Variants in SIPA1 observed in about 807,000 individuals in gnomAD.
The protein encoded by SIPA1 is signal-induced proliferation-associated protein 1.
A neutral mutation model predicts 88.1 loss-of-function variants in SIPA1; 51 were observed. The observed-to-expected ratio is 0.58, with a 90% CI of 0.46 to 0.73. SIPA1 has a LOEUF of 0.73. SIPA1 is among the 30% of genes least tolerant of loss of function. SIPA1 has a pLI of 0.00. For missense variants in SIPA1, 1,348 were observed against 1,467.6 expected, an observed-to-expected ratio of 0.92 and a Z score of 1.33; for synonymous variants, 681 against 664.8, an observed-to-expected ratio of 1.02 and a Z score of -0.37.
In SIPA1 at chr11:65,645,883, A is replaced by G; in HGVS notation, c.1189A>G (p.Thr397Ala). Residue 397 changes from threonine (T) to alanine (A), a missense_variant, in exon 6 of 16, where the codon ACC (threonine) becomes GCC (alanine). Transcript: ENST00000534313. Reference protein sequence around the residue: ...TDSTGTHSLYTTYQDHEIMFH... With the variant: ...TDSTGTHSLYATYQDHEIMFH... Reference sequence around the variant, plus strand: ...TTCCACAGGCACGCACTCCCTCTACACCACATACCAGGACCACGAGATCAT... The same window carrying G: ...TTCCACAGGCACGCACTCCCTCTACGCCACATACCAGGACCACGAGATCAT... 1 of 1,613,418 alleles carries G rather than the reference A, an allele frequency of 6.2e-7. No individual in the cohort carries two copies. The highest frequency in any genetic ancestry group is 8.5e-7 in the Non-Finnish European group (1 of 1,179,600).
rs1856113441 is a variant in SIPA1, at chr11:65,646,341, C to T, written c.1384C>T (p.Arg462Trp). The T allele has an allele frequency of 6.2e-7, 1 of 1,613,302 alleles. No homozygotes were observed. Among genetic ancestry groups the T allele is most frequent in the Admixed American group, 1.7e-5 (1 of 60,006 alleles). The change falls in exon 7 of 16, where the codon CGG becomes TGG. Residue 462 changes from arginine (R) to tryptophan (W), a missense_variant. By Grantham distance (101) the Arg-to-Trp change is moderately radical. Coordinates refer to ENST00000534313, the MANE Select transcript of SIPA1 (RefSeq NM_006747.4). The surrounding 1 kb of genome is among the most constrained non-coding windows in gnomAD (Gnocchi z 7.5). ...SHFQHVFLVV[R>W]AHTPCTPHTT... ...CTTCCAGCACGTGTTCCTAGTGGTG[C>T]GGGCACACACACCCTGCACGCCACA...
At chr11:65,644,657 A>G (rs1856072282) in intron 4 of SIPA1, among the ~76,000 whole-genome samples, 1 of 151,782 alleles carries the variant, frequency 6.6e-6, no homozygotes, top group Non-Finnish European at 1.5e-5. Flanking sequence ...AGGGGTGCAG[A>G]GGACAGTCCA....
At chr11:65,648,429 A>C (rs1856181548) in intron 9 of SIPA1, among the ~76,000 whole-genome samples, 1 of 152,242 alleles carries the variant, frequency 6.6e-6, no homozygotes, top group Non-Finnish European at 1.5e-5. Flanking sequence ...TAGGTAAATG[A>C]ATAAATAAAT....
At chr11:65,644,469 G>A (rs1856068628) in intron 4 of SIPA1, among the ~76,000 whole-genome samples, 1 of 151,968 alleles carries the variant, frequency 6.6e-6, no homozygotes, top group Non-Finnish European at 1.5e-5. Context: ...GTAGAAAAGG[G>A]AGGTGACCGC....
chr11:65,639,120 G>A (rs1432784464), intron 1 of SIPA1: 1 of 152,170 alleles, frequency 6.6e-6, no homozygotes, highest in Non-Finnish European at 1.5e-5. Flanking sequence ...TTTTTTCTTT[G>A]TTTTTTTGGA....
Position 65,650,655 on chromosome 11 carries a change from A to G in SIPA1, c.3069A>G (p.Ala1023=). 6.4e-7 allele frequency: 1 copy of G among 1,574,668 alleles called. No homozygotes were observed. The highest frequency in any genetic ancestry group is 8.6e-7 in the Non-Finnish European group (1 of 1,160,078). Residue 1023 remains alanine (A), a synonymous_variant, in exon 16 of 16, where the codon GCA becomes GCG. Transcript: ENST00000534313. The stretch of plus-strand genomic sequence containing the variant: ...GGCTGCAGGCGGAGTCTGAGAGTGC[A>G]GCCACACGCCTCCTCCTGGCCTCCA... ...NRRLQAESES[A]ATRLLLASKQ... is the part of the protein sequence containing the mutation.
rs1856256986 is a variant in SIPA1 at position 65,650,813 on chromosome 11, C to T, written c.*98C>T. Reference sequence around the variant, plus strand: ...CAGAGGCGTGTCTTAGCACTGCCCCCCTCCCTAGCCCCTTATTTGGTGGCG... The same window carrying T: ...CAGAGGCGTGTCTTAGCACTGCCCCTCTCCCTAGCCCCTTATTTGGTGGCG... On this transcript the variant is annotated 3_prime_UTR_variant, in exon 16 of 16. Coordinates refer to ENST00000534313, the MANE Select transcript of SIPA1 (RefSeq NM_006747.4). 4 of 1,276,610 alleles carry T rather than the reference C, an allele frequency of 3.1e-6. No individual in the cohort carries two copies. The highest frequency in any genetic ancestry group is 3.2e-5 in the South Asian group (2 of 63,018). 79.1% of individuals were successfully genotyped at this position (1,276,610 alleles called of 1,614,324 possible).
At position 65,645,077 on chromosome 11, in the gene SIPA1, T is replaced by C. The variant is rs755069895; in HGVS notation, c.1107T>C (p.Asp369=). The change falls in exon 5 of 16, where the codon GAT becomes GAC. Residue 369 remains aspartate (D), a synonymous_variant. Transcript: ENST00000534313. ...TGCAGTTTCTCACCTTGCTGGGCGA[T>C]GTGGTGCGGCTCAAAGGCTTTGAGA... is the stretch of plus-strand genomic sequence containing the variant. ...AFMQFLTLLG[D]VVRLKGFESY... is the part of the protein sequence containing the mutation. 2 of 1,613,980 alleles carry C rather than the reference T, an allele frequency of 1.2e-6. No homozygotes were observed. The highest frequency in any genetic ancestry group is 1.7e-5 in the Admixed American group (1 of 60,004).
chr11:65,641,407 A>G lies in SIPA1; in HGVS notation c.486A>G (p.Ala162=), dbSNP rs747845495. The G allele has an allele frequency of 3.5e-5, 57 of 1,613,092 alleles. No homozygotes were observed. The highest frequency in any genetic ancestry group is 4.6e-5 in the Non-Finnish European group (54 of 1,180,008). The stretch of plus-strand genomic sequence containing the variant: ...CCAGCTCGGACCTGCTGCATGGGGC[A>G]CCTGGCTTTGTGTGTGAGCTCGGGG... ...QAASSDLLHG[A]PGFVCELGGE... The change falls in exon 2 of 16, where the codon GCA becomes GCG. Residue 162 remains alanine, a synonymous_variant. Coordinates refer to ENST00000534313, the MANE Select transcript of SIPA1 (RefSeq NM_006747.4).
In SIPA1 at chr11:65,642,287, C is replaced by G; in HGVS notation, c.717C>G (p.Gly239=). ...TCTTCGGGATGGACGAGTCGCTGGG[C>G]CCGGTGGCAGTGAGCCTGCGGCGGG... ...QNFFGMDESL[G]PVAVSLRREE... Residue 239 remains glycine, a synonymous_variant, in exon 3 of 16, where the codon GGC becomes GGG. Transcript: ENST00000534313. The surrounding 1 kb of genome is among the most constrained non-coding windows in gnomAD (Gnocchi z 6.5). The G allele has an allele frequency of 1.3e-6, 2 of 1,555,200 alleles. No individual in the cohort carries two copies. Among genetic ancestry groups the G allele is most frequent in the Non-Finnish European group, 8.7e-7 (1 of 1,151,320 alleles).
intron 2 of SIPA1, among the ~76,000 whole-genome samples, chr11:65,641,809 G>A (rs1377952831): frequency 1.3e-5 from 2 of 152,170 alleles, no homozygotes; most frequent in Non-Finnish European, 2.9e-5. Flanking sequence ...CCCAGCCAGG[G>A]CTGGTCCCTC....
Position 65,650,408 on chromosome 11 carries a change from C to T in SIPA1, c.2911C>T (p.Pro971Ser). The T allele has an allele frequency of 6.2e-7, 1 of 1,614,092 alleles. No homozygotes were observed. Among genetic ancestry groups the T allele is most frequent in the Non-Finnish European group, 8.5e-7 (1 of 1,179,996 alleles). The stretch of plus-strand genomic sequence containing the variant: ...TGACCCCCATGTCTTCAGGCCAGAG[C>T]CTGGGAACCTCTCAGAGAAGGTCTC... The part of the protein sequence containing the change: ...GTPKSDAEPE[P>S]GNLSEKVSHL... Residue 971 changes from proline (P) to serine (S), a missense_variant, in exon 15 of 16, where the codon CCT (proline) becomes TCT (serine). This residue lies in a region of SIPA1 where 615 missense variants were observed against 559.8 expected (regional missense o/e 1.10). Coordinates refer to ENST00000534313, the MANE Select transcript of SIPA1 (RefSeq NM_006747.4).
chr11:65,641,143 C>G lies in SIPA1; in HGVS notation c.222C>G (p.Ser74Arg). The change falls in exon 2 of 16, where the codon AGC becomes AGG. Residue 74 changes from serine to arginine, a missense_variant. Coordinates refer to ENST00000534313, the MANE Select transcript of SIPA1 (RefSeq NM_006747.4). ...TPASPRARAH[S>R]HEEASRPAAT... ...CCAGCCCCCGTGCCCGTGCCCACAG[C>G]CACGAAGAGGCCAGCCGACCTGCAG... The G allele has an allele frequency of 6.2e-7, 1 of 1,604,720 alleles. No homozygotes were observed. Among genetic ancestry groups the G allele is most frequent in the Non-Finnish European group, 8.5e-7 (1 of 1,179,654 alleles).
chr11:65,649,292 G>A lies in SIPA1; in HGVS notation c.2337G>A (p.Leu779=), dbSNP rs1388650456. ...TTTCGGAGCTGTACACGCTGTCGCT[G>A]CAGGAGCCTAGCCGGCGGGGGGCCC... The part of the protein sequence containing the change: ...RSFSELYTLS[L]QEPSRRGAPD... The change falls in exon 10 of 16, where the codon CTG becomes CTA. Residue 779 remains leucine, a synonymous_variant. Transcript: ENST00000534313. The A allele has an allele frequency of 1.3e-6, 2 of 1,551,006 alleles. No individual in the cohort carries two copies. The highest frequency in any genetic ancestry group is 1.9e-4 in the Middle Eastern group (1 of 5,250).
In SIPA1 at chr11:65,645,912, C is replaced by T. The variant is rs1484938622; in HGVS notation, c.1218C>T (p.Phe406=). 1 of 1,613,558 alleles carries T rather than the reference C, an allele frequency of 6.2e-7. No homozygotes were observed. Among genetic ancestry groups the T allele is most frequent in the East Asian group, 2.2e-5 (1 of 44,888 alleles). Residue 406 remains phenylalanine (F), a synonymous_variant, in exon 6 of 16, where the codon TTC becomes TTT. Transcript: ENST00000534313. ...YTTYQDHEIM[F]HVSTMLPYTP... is the part of the protein sequence containing the mutation. ...CATACCAGGACCACGAGATCATGTT[C>T]CACGTGTCCACGATGCTGCCTTACA...
intron 9 of SIPA1, among the ~76,000 whole-genome samples, chr11:65,648,079 G>T (rs1410768105): frequency 6.6e-6 from 1 of 151,978 alleles, no homozygotes; most frequent in Non-Finnish European, 1.5e-5. Context: ...CACCAAGTTG[G>T]CCAGGCTGGT....
intron 14 of SIPA1, 100 bp downstream of exon 14, chr11:65,650,292 C>G (rs1856237453): frequency 1.0e-5 from 16 of 1,536,486 alleles, no homozygotes; most frequent in Non-Finnish European, 1.4e-5. Flanking sequence ...TCTGCTGCCA[C>G]ATATGCCTAG....
At chr11:65,645,742 C>G in intron 5 of SIPA1, 112 bp from the exon 6 acceptor site, 1 of 663,850 alleles carries the variant, frequency 1.5e-6, no homozygotes, top group Non-Finnish European at 2.6e-6. Flanking sequence ...GACTGGTTGT[C>G]CACCTGCTGT....
intron 9 of SIPA1, among the ~76,000 whole-genome samples, chr11:65,647,865 CTCCTCT>C (rs2135527811): frequency 6.6e-6 from 1 of 151,424 alleles, no homozygotes; most frequent in South Asian, 2.1e-4. Context: ...TCCTCTCTCT[CTCCTCT>C]CTCTTTTTTT....
Sources: gnomAD v4.1 joint callset for allele counts (sites outside exome capture counted in the v4.1 genomes callset) on GRCh38, gnomAD v4.1.1 for gene constraint, gnomAD v4.1.1 regional missense constraint, Gnocchi (gnomAD v3.1) non-coding constraint, MANE v1.5 for transcripts, NCBI Gene and HGNC (gene_info 2026-07-23, HGNC 2026-07-21) for gene names.